KIAA1328: variants seen among roughly 807,000 people sequenced by gnomAD.
KIAA1328 encodes protein hinderin.
In KIAA1328, 52 loss-of-function variants were observed where a neutral mutation model predicts 68.1. The ratio of observed to expected loss-of-function variants is 0.76; its 90% confidence interval spans 0.61 to 0.96. The LOEUF is 0.96. Among genes scored for constraint, KIAA1328 ranks in the 40% least tolerant of loss-of-function variants. The pLI is 0.00. For synonymous variants in KIAA1328, 232 were observed against 239.4 expected (o/e 0.97, Z 0.28); for missense variants, 641 against 677.6 (o/e 0.95, Z 0.60).
downstream of KIAA1328, chr18:37,230,923 C>A (rs572646433): frequency 1.3e-5 from 2 of 152,338 alleles, no homozygotes; most frequent in Admixed American, 1.3e-4. Flanking sequence ...TAGAGTGGCA[C>A]ACCGGAACTG....
At chr18:37,032,791 G>A (rs994315694) in intron 6 of KIAA1328, among the ~76,000 whole-genome samples, 12 of 152,064 alleles carry the variant, frequency 7.9e-5, no homozygotes, top group African/African-American at 2.9e-4. Context: ...ACAGGCATGT[G>A]CCATCATGCC....
At chr18:36,829,217 A>AG in intron 1 of KIAA1328, 21 bp downstream of exon 1, 1 of 1,501,270 alleles carries the variant, frequency 6.7e-7, no homozygotes, top group Non-Finnish European at 8.9e-7. Flanking sequence ...CCCGCCTGAC[A>AG]GGGGGCGCCG....
Position 37,183,609 on chromosome 18 carries a change from C to T in KIAA1328, c.1523+10528C>T, listed in dbSNP as rs1212753067. ...ATTTTTATTAGTCATCATTATCCTCCTCCCAAGGGATTATCAAAGTATATC... is the reference window on the plus strand; with the variant it reads ...ATTTTTATTAGTCATCATTATCCTCTTCCCAAGGGATTATCAAAGTATATC... On this transcript the variant is annotated intron_variant, in intron 9 of 9. Transcript: ENST00000280020. Among the ~76,000 whole-genome samples the T allele has an allele frequency of 7.9e-5, 12 of 152,164 alleles. No individual in the cohort carries two copies. The East Asian group carries it at 2.3e-3, about 29-fold the overall frequency.
intron 7 of KIAA1328, among the ~76,000 whole-genome samples, chr18:37,116,633 A>G (rs951802333): frequency 6.6e-6 from 1 of 152,222 alleles, no homozygotes; most frequent in Non-Finnish European, 1.5e-5. Context: ...ACCAAAAGCA[A>G]CGGCAACAAA....
chr18:37,132,566 G>A (rs186028025), intron 7 of KIAA1328, among the ~76,000 whole-genome samples: 76 of 152,348 alleles, frequency 5.0e-4, no homozygotes, highest in Non-Finnish European at 8.8e-4. Flanking sequence ...ATATTGGGAG[G>A]TAAGTTGACT....
At chr18:36,933,794 G>T (rs2050400526) in intron 5 of KIAA1328, among the ~76,000 whole-genome samples, 1 of 152,232 alleles carries the variant, frequency 6.6e-6, no homozygotes, top group African/African-American at 2.4e-5. Flanking sequence ...GAGCAGCCAG[G>T]CAGGGGCCTT....
chr18:37,203,896 G>A (rs1034369136), intron 9 of KIAA1328, among the ~76,000 whole-genome samples: 6 of 151,226 alleles, frequency 4.0e-5, no homozygotes, highest in East Asian at 3.9e-4. Context: ...TGCAAGCTCC[G>A]CCTCCCGGGT....
At chr18:36,975,176 ATTTTTTTTT>A (rs751805080) in intron 6 of KIAA1328, among the ~76,000 whole-genome samples, 1 of 114,942 alleles carries the variant, frequency 8.7e-6, no homozygotes, top group Admixed American at 9.6e-5. Context: ...ACAAGCTACA[ATTTTTTTTT>A]TTTTTTTTTT....
intron 7 of KIAA1328, among the ~76,000 whole-genome samples, chr18:37,124,498 A>G (rs908965876): frequency 6.6e-6 from 1 of 151,796 alleles, no homozygotes; most frequent in Admixed American, 6.6e-5. Flanking sequence ...TCTACTTGTA[A>G]CTCCTACAAT....
chr18:36,933,572 CAG>C (rs2050390957), intron 5 of KIAA1328, among the ~76,000 whole-genome samples: 1 of 152,238 alleles, frequency 6.6e-6, no homozygotes, highest in African/African-American at 2.4e-5. Context: ...GTCCCAGCCA[CAG>C]ATCTCAGCTT....
At chr18:37,160,441 C>A in intron 8 of KIAA1328, 60 bp downstream of exon 8, 3 of 1,442,644 alleles carry the variant, frequency 2.1e-6, no homozygotes, top group South Asian at 1.3e-5. Context: ...AGTTGCTAGC[C>A]AATGAATTTC....
chr18:36,989,198 G>A (rs1373290167), intron 6 of KIAA1328, among the ~76,000 whole-genome samples: 2 of 151,960 alleles, frequency 1.3e-5, no homozygotes, highest in East Asian at 3.9e-4. Flanking sequence ...TCAGTCTTGG[G>A]GCAATCTATT....
At chr18:36,950,314 A>T (rs2051107553) in intron 5 of KIAA1328, among the ~76,000 whole-genome samples, 1 of 152,212 alleles carries the variant, frequency 6.6e-6, no homozygotes, top group African/African-American at 2.4e-5. Context: ...TAAAGGCCAC[A>T]TTGTCTATTT....
At chr18:37,149,990 G>T (rs1015334739) in intron 7 of KIAA1328, among the ~76,000 whole-genome samples, 1 of 151,986 alleles carries the variant, frequency 6.6e-6, no homozygotes, top group East Asian at 1.9e-4. Context: ...ACAATTTTTT[G>T]CAAGCACTTT....
At chr18:36,865,567 C>T (rs2047721723) in intron 4 of KIAA1328, among the ~76,000 whole-genome samples, 1 of 151,998 alleles carries the variant, frequency 6.6e-6, no homozygotes, top group Non-Finnish European at 1.5e-5. Context: ...AATATATTCC[C>T]CCCTCGTTTT....
intron 7 of KIAA1328, among the ~76,000 whole-genome samples, chr18:37,077,556 G>T (rs1424939030): frequency 6.6e-6 from 1 of 151,982 alleles, no homozygotes; most frequent in South Asian, 2.1e-4. Flanking sequence ...CCTGTTTGCA[G>T]ATGAAATGAT....
chr18:37,093,556 A>C (rs2057323779), intron 7 of KIAA1328, among the ~76,000 whole-genome samples: 1 of 152,202 alleles, frequency 6.6e-6, no homozygotes, highest in African/African-American at 2.4e-5. Flanking sequence ...CAGAAGAAAG[A>C]ATTTCTGAAC....
In KIAA1328 at chr18:37,067,230, GTGGT is replaced by G. The variant is rs775674730; in HGVS notation, c.918_921del (p.Gly307IlefsTer16). The G allele has an allele frequency of 1.2e-6, 2 of 1,613,900 alleles. No homozygotes were observed. Among genetic ancestry groups the G allele is most frequent in the Non-Finnish European group, 1.7e-6 (2 of 1,179,890 alleles). ...CTTAAGCCTACTCCTAGTCAATGCT[GTGGT>G]CATAGACTTGCTGCAGATCGTGTTC... On this transcript the variant is annotated frameshift_variant, in exon 7 of 10. Transcript: ENST00000280020. LOFTEE classifies it high-confidence loss of function.
chr18:37,063,707 G>T, intron 6 of KIAA1328: 1 of 983,410 alleles, frequency 1.0e-6, no homozygotes, highest in Non-Finnish European at 1.2e-6. Flanking sequence ...CTCAAAAACA[G>T]GAAACATTAA....
Sources: allele counts gnomAD v4.1 joint callset (sites outside exome capture counted in the v4.1 genomes callset), GRCh38; gene constraint gnomAD v4.1.1; transcripts MANE v1.5; gene names NCBI Gene and HGNC (gene_info 2026-07-23, HGNC 2026-07-21).